ERC2: variants seen among roughly 807,000 people sequenced by gnomAD.
ERC2 encodes ELKS/RAB6-interacting/CAST family member 2, also known as ERC protein 2.
ERC2 carries 42 observed loss-of-function variants against 114.8 expected under a neutral mutation model. That is an observed-to-expected ratio of 0.37 (90% CI 0.29 to 0.47). The LOEUF is 0.47. Ranked by LOEUF, ERC2 falls within the 20% of genes least tolerant of loss-of-function variation. The pLI is 0.99. For synonymous variants in ERC2, 454 were observed against 425.5 expected, an observed-to-expected ratio of 1.07 and a Z score of -0.82; for missense variants, 939 against 1,150.7, an observed-to-expected ratio of 0.82 and a Z score of 2.66.
At chr3:56,229,174 AGGCCTTGCCTTTTAAG>A (rs1437364014) in intron 3 of ERC2, among the ~76,000 whole-genome samples, 6 of 152,216 alleles carry the variant, frequency 3.9e-5, no homozygotes, top group Non-Finnish European at 8.8e-5. Context: ...ACAGACAAAA[AGGCCTTGCCTTTTAAG>A]GGCTTGCACA....
rs577570265 is a variant in ERC2, at chr3:56,148,964, C to A, written c.1305+13G>T. 1.4e-5 allele frequency: 22 copies of A among 1,612,288 alleles called. No individual in the cohort carries two copies. The highest frequency in any genetic ancestry group is 1.7e-5 in the Non-Finnish European group (20 of 1,178,990). ...ACATTAAGAACATAAAAGTTTATAA[C>A]CCTGGACCGTACCTTGGTCTTCATA... is the stretch of plus-strand genomic sequence containing the variant. On this transcript the variant is annotated intron_variant, in intron 5 of 17. Coordinates refer to ENST00000288221, the MANE Select transcript of ERC2 (RefSeq NM_015576.3).
chr3:55,518,045 G>A (rs1339655969), intron 17 of ERC2, among the ~76,000 whole-genome samples: 2 of 152,084 alleles, frequency 1.3e-5, no homozygotes, highest in African/African-American at 4.8e-5. Flanking sequence ...CCCTGTGCAT[G>A]GTAGGATGTT....
chr3:55,943,643 C>T (rs569869225), intron 13 of ERC2, among the ~76,000 whole-genome samples: 3 of 152,270 alleles, frequency 2.0e-5, no homozygotes, highest in Non-Finnish European at 2.9e-5. Flanking sequence ...CTGGTCCTAC[C>T]AATCCTCAAG....
At chr3:55,673,539 C>T (rs1166856602) in intron 17 of ERC2, among the ~76,000 whole-genome samples, 1 of 152,178 alleles carries the variant, frequency 6.6e-6, no homozygotes, top group Non-Finnish European at 1.5e-5. Flanking sequence ...GCCAAGATCA[C>T]ACCACTGCAC....
chr3:56,419,588 A>G (rs531854585), intron 2 of ERC2, among the ~76,000 whole-genome samples: 1 of 152,274 alleles, frequency 6.6e-6, no homozygotes, highest in East Asian at 1.9e-4. Flanking sequence ...CATGCCCCCT[A>G]TTTCTCAGCA....
chr3:56,016,374 C>T (rs1029463220), intron 8 of ERC2, among the ~76,000 whole-genome samples: 2 of 150,970 alleles, frequency 1.3e-5, no homozygotes, highest in African/African-American at 2.4e-5. Flanking sequence ...TTTAATAGGA[C>T]CATGAAGACT....
At chr3:55,967,767 G>A (rs146230212) in intron 12 of ERC2, among the ~76,000 whole-genome samples, 141 of 152,290 alleles carry the variant, frequency 9.3e-4, no homozygotes, top group African/African-American at 3.3e-3. Flanking sequence ...CTTATGAATG[G>A]ATTAATGCTG....
intron 2 of ERC2, among the ~76,000 whole-genome samples, chr3:56,310,721 C>T (rs1379394362): frequency 6.6e-6 from 1 of 152,138 alleles, no homozygotes; most frequent in Non-Finnish European, 1.5e-5. Context: ...CCATGCTACT[C>T]AGAGGATCCT....
chr3:56,325,513 T>C (rs906718664), intron 2 of ERC2, among the ~76,000 whole-genome samples: 2 of 152,138 alleles, frequency 1.3e-5, no homozygotes, highest in Admixed American at 6.5e-5. Context: ...AACCAGGAGA[T>C]AGTCAATAAA....
intron 2 of ERC2, among the ~76,000 whole-genome samples, chr3:56,305,512 CCA>C (rs58751787): frequency 0.16 from 22,801 of 144,176 alleles, 1,777 homozygotes; most frequent in Admixed American, 0.22. Flanking sequence ...ACTCTCTTAT[CCA>C]CACACACACA....
intron 14 of ERC2, among the ~76,000 whole-genome samples, chr3:55,820,550 T>C (rs1360969975): frequency 1.3e-5 from 2 of 152,154 alleles, no homozygotes; most frequent in Non-Finnish European, 2.9e-5. Flanking sequence ...TCTGAAAGCG[T>C]GTGTGTATTC....
intron 15 of ERC2, among the ~76,000 whole-genome samples, chr3:55,712,692 A>G (rs1178114686): frequency 6.6e-6 from 1 of 152,194 alleles, no homozygotes; most frequent in Non-Finnish European, 1.5e-5. Context: ...TAAGCAGCTT[A>G]AATAGGATGC....
At chr3:56,347,750 C>T (rs2058364737) in intron 2 of ERC2, among the ~76,000 whole-genome samples, 2 of 152,118 alleles carry the variant, frequency 1.3e-5, no homozygotes, top group African/African-American at 4.8e-5. Context: ...TAAGTTCAGC[C>T]CCACTTGGCC....
chr3:55,652,500 C>T (rs1453153456), intron 17 of ERC2, among the ~76,000 whole-genome samples: 1 of 152,134 alleles, frequency 6.6e-6, no homozygotes, highest in African/African-American at 2.4e-5. Context: ...CTCTACTAAC[C>T]ACTATTTGCT....
chr3:55,519,884 T>A (rs1304753528), intron 17 of ERC2, among the ~76,000 whole-genome samples: 1 of 151,930 alleles, frequency 6.6e-6, no homozygotes, highest in Non-Finnish European at 1.5e-5. Flanking sequence ...CAAAACCTCA[T>A]CTTTACAAGA....
At chr3:56,048,750 C>T (rs994982851) in intron 7 of ERC2, among the ~76,000 whole-genome samples, 7 of 152,170 alleles carry the variant, frequency 4.6e-5, no homozygotes, top group Non-Finnish European at 8.8e-5. Context: ...AAGCCAGACT[C>T]GGTCCCTGCC....
chr3:55,563,840 G>T (rs981244420), intron 17 of ERC2, among the ~76,000 whole-genome samples: 1 of 152,220 alleles, frequency 6.6e-6, no homozygotes, highest in African/African-American at 2.4e-5. Flanking sequence ...AGCCACTCCT[G>T]CCTGGGCTCC....
rs754223821 is a variant in ERC2 at position 56,117,929 on chromosome 3, A to G, written c.1473+21580T>C. Among the ~76,000 whole-genome samples the G allele has an allele frequency of 2.0e-5, 3 of 152,236 alleles. No individual in the cohort carries two copies. In the East Asian group the frequency reaches 5.8e-4, roughly 29 times the overall value. Reference sequence around the variant, plus strand: ...GTTTAGAGGTGAGCAGATTTTAGACAGTGAATTGACTATTCTGAGCAGAGG... The same window carrying G: ...GTTTAGAGGTGAGCAGATTTTAGACGGTGAATTGACTATTCTGAGCAGAGG... On this transcript the variant is annotated intron_variant, in intron 6 of 17. Transcript: ENST00000288221.
At chr3:55,638,887 C>T (rs148608084) in intron 17 of ERC2, among the ~76,000 whole-genome samples, 4 of 152,300 alleles carry the variant, frequency 2.6e-5, no homozygotes, top group Admixed American at 2.0e-4. Context: ...ACAACCTTCA[C>T]AGAATGACCT....
Sources: allele counts gnomAD v4.1 joint callset (sites outside exome capture counted in the v4.1 genomes callset), GRCh38; gene constraint gnomAD v4.1.1; transcripts MANE v1.5; gene names NCBI Gene and HGNC (gene_info 2026-07-23, HGNC 2026-07-21).